The following CCDC157 variants were observed in gnomAD, a reference collection of about 807,000 sequenced individuals.
CCDC157 encodes the protein coiled-coil domain-containing protein 157.
A neutral mutation model predicts 70.9 loss-of-function variants in CCDC157; 60 were observed. The ratio of observed to expected loss-of-function variants is 0.85; its 90% CI spans 0.69 to 1.05. The LOEUF (loss-of-function observed/expected upper bound fraction) is 1.05. CCDC157 is among the 50% of genes least tolerant of loss of function. The pLI, the probability that CCDC157 is intolerant of heterozygous loss-of-function variation, is 0.00. For synonymous variants in CCDC157, 373 were observed against 422.4 expected (o/e 0.88, Z 1.43); for missense variants, 943 against 984.2 (o/e 0.96, Z 0.56).
rs1933294672 is a variant in CCDC157, at chr22:30,375,598, G to A, written c.1792G>A (p.Glu598Lys). The A allele has an allele frequency of 6.2e-7, 1 of 1,614,180 alleles. No homozygotes were observed. Among genetic ancestry groups the A allele is most frequent in the Non-Finnish European group, 8.5e-7 (1 of 1,180,034 alleles). Residue 598 changes from glutamate to lysine, a missense_variant, in exon 10 of 12, where the codon GAG (glutamate) becomes AAG (lysine). Glu to Lys is a moderately conservative substitution (Grantham distance 56, BLOSUM62 1). Coordinates refer to ENST00000338306, the MANE Select transcript of CCDC157 (RefSeq NM_001017437.5). The stretch of plus-strand genomic sequence containing the variant: ...CATCCGCATCCGGGTCCTACAGGAG[G>A]AGAACGGGCGGCTCCAATCAATGCT... ...NDIRIRVLQE[E>K]NGRLQSMLSK...
intron 10 of CCDC157, chr22:30,375,880 T>G: frequency 1.8e-6 from 1 of 567,816 alleles, no homozygotes. Flanking sequence ...CTGTCATTCC[T>G]TTAAGTGCAG....
At chr22:30,357,768 C>T (rs1932015828) in intron 1 of CCDC157, among the ~76,000 whole-genome samples, 1 of 151,746 alleles carries the variant, frequency 6.6e-6, no homozygotes, top group Admixed American at 6.6e-5. Flanking sequence ...CCGCCCGCCT[C>T]GGCTTCCCAA....
At chr22:30,371,433 G>T (rs940518972) in intron 5 of CCDC157, 1 of 581,498 alleles carries the variant, frequency 1.7e-6, no homozygotes, top group African/African-American at 1.9e-5. Flanking sequence ...CGACACCAAG[G>T]CCCAGAGAGG....
chr22:30,374,216 G>A (rs1156563752), intron 9 of CCDC157, 125 bp downstream of exon 9: 3 of 1,178,010 alleles, frequency 2.5e-6, no homozygotes, highest in Non-Finnish European at 3.6e-6. Flanking sequence ...AAGCCAGGCG[G>A]CCAGCAGCGC....
At chr22:30,358,964 T>A (rs1458397073) in intron 1 of CCDC157, among the ~76,000 whole-genome samples, 4 of 152,196 alleles carry the variant, frequency 2.6e-5, no homozygotes, top group South Asian at 2.1e-4. Flanking sequence ...CAACATAAGG[T>A]CATCTTGGAT....
intron 1 of CCDC157, among the ~76,000 whole-genome samples, chr22:30,359,572 T>C (rs1039541542): frequency 6.6e-6 from 1 of 152,180 alleles, no homozygotes; most frequent in Non-Finnish European, 1.5e-5. Flanking sequence ...CTCTGCACCG[T>C]CCAATACAGT....
At chr22:30,372,437 G>A in intron 7 of CCDC157, 151 bp downstream of exon 7, 1 of 1,129,516 alleles carries the variant, frequency 8.9e-7, no homozygotes, top group Non-Finnish European at 1.2e-6. Flanking sequence ...TTTACAGAGA[G>A]TCTACCCTGA....
chr22:30,376,238 G>GT, intron 10 of CCDC157, 21 bp from the exon 11 acceptor site: 1 of 1,313,580 alleles, frequency 7.6e-7, no homozygotes, highest in African/African-American at 1.5e-5. Flanking sequence ...TATAAGACTG[G>GT]CTTTTTTTTT....
At chr22:30,372,414 G>A (rs1933013706) in intron 7 of CCDC157, 128 bp downstream of exon 7, 2 of 1,289,628 alleles carry the variant, frequency 1.6e-6, no homozygotes, top group Non-Finnish European at 1.0e-6. Context: ...CCAGGTGTGG[G>A]GGTTGACTCA....
chr22:30,371,006 C>T, intron 5 of CCDC157, 56 bp downstream of exon 5: 5 of 1,534,802 alleles, frequency 3.3e-6, no homozygotes, highest in Non-Finnish European at 4.4e-6. Flanking sequence ...ACAGCCTTTG[C>T]ATGGATGTTT....
intron 3 of CCDC157, 91 bp downstream of exon 3, chr22:30,366,339 G>A (rs1932738137): frequency 1.3e-6 from 2 of 1,528,336 alleles, no homozygotes; most frequent in South Asian, 1.2e-5. Flanking sequence ...CAGAGGCAGG[G>A]GTGATGTTGG....
At position 30,373,766 on chromosome 22, in the gene CCDC157, T is replaced by TGA; in HGVS notation, c.1503+4_1503+5dup. 6.5e-7 allele frequency: 1 copy of TGA among 1,549,552 alleles called. No homozygotes were observed. On this transcript the variant is annotated splice_region_variant and intron_variant, in intron 8 of 11. Coordinates refer to ENST00000338306, the MANE Select transcript of CCDC157 (RefSeq NM_001017437.5). ...CAATGCCAGCTCAGGGCCCAGCAGG[T>TGA]GAGGGTGGGGGTCTTCCTTTTTGCC...
intron 2 of CCDC157, among the ~76,000 whole-genome samples, chr22:30,364,022 G>A (rs1231964368): frequency 6.6e-6 from 1 of 152,174 alleles, no homozygotes; most frequent in Non-Finnish European, 1.5e-5. Flanking sequence ...CAGGTGTGGT[G>A]GTTCTCACCT....
Position 30,364,224 on chromosome 22 carries a change from C to T in CCDC157, c.-11-1766C>T, listed in dbSNP as rs144941520. ...TAGTGGCACATGCCTGTAGTCCTAGCTACTTGGGAGGCTGAGGCAGGAGGA... is the reference window on the plus strand; with the variant it reads ...TAGTGGCACATGCCTGTAGTCCTAGTTACTTGGGAGGCTGAGGCAGGAGGA... On this transcript the variant is annotated intron_variant, in intron 2 of 11. Transcript: ENST00000338306. Among the ~76,000 whole-genome samples, 62 of 152,312 alleles carry T rather than the reference C, an allele frequency of 4.1e-4. No homozygotes were observed. The East Asian group carries it at 0.011, about 26-fold the overall frequency.
chr22:30,371,844 C>A, intron 6 of CCDC157, 117 bp downstream of exon 6: 1 of 994,938 alleles, frequency 1.0e-6, no homozygotes, highest in Non-Finnish European at 1.5e-6. Context: ...GAACCAGCCA[C>A]AGGAGGGTGG....
Position 30,375,462 on chromosome 22 carries a change from T to C in CCDC157, c.1673-17T>C. The C allele has an allele frequency of 2.5e-6, 4 of 1,613,836 alleles. No individual in the cohort carries two copies. The highest frequency in any genetic ancestry group is 3.4e-6 in the Non-Finnish European group (4 of 1,179,864). ...CTGGTGTGCCTCCCTTCTAAGGTCC[T>C]GTCCCATTGGGCACAGGAGGCAGAT... On this transcript the variant is annotated splice_polypyrimidine_tract_variant and intron_variant, in intron 9 of 11. Transcript: ENST00000338306.
chr22:30,372,118 GGCAGCGGAGAGGCAGGTGCA>G lies in CCDC157; in HGVS notation c.1173_1192del (p.Glu392GlyfsTer34), dbSNP rs778926988. 2.6e-5 allele frequency: 40 copies of G among 1,558,244 alleles called. No homozygotes were observed. In the African/African-American group the frequency reaches 4.7e-4, roughly 18 times the overall value. On this transcript the variant is annotated frameshift_variant, in exon 7 of 12. Transcript: ENST00000338306. LOFTEE classifies it high-confidence loss of function. Reference sequence around the variant, plus strand: ...TGCAGGAGGAAGGTGAGCGCAGGGCGGCAGCGGAGAGGCAGGTGCAGCAGCTGGAGGAGCAGGTGCAGCAG... The same window carrying G: ...TGCAGGAGGAAGGTGAGCGCAGGGCGGCAGCTGGAGGAGCAGGTGCAGCAG...
intron 4 of CCDC157, 160 bp from the exon 5 acceptor site, chr22:30,370,166 G>A (rs1932871338): frequency 2.4e-6 from 2 of 827,382 alleles, no homozygotes; most frequent in Non-Finnish European, 1.9e-6. Context: ...GTAACAGAGG[G>A]AGAAAGTTCT....
Position 30,378,350 on chromosome 22 carries a change from C to T in CCDC157, c.*1605C>T, listed in dbSNP as rs12171202. On this transcript the variant is annotated 3_prime_UTR_variant, in exon 12 of 12. Coordinates refer to ENST00000338306, the MANE Select transcript of CCDC157 (RefSeq NM_001017437.5). ...TGGGCATAAAATCCCTTTGAGAAGC[C>T]AGGCGCAGTGGCTCACGTCTGTAAT... 3,668 of 300,540 alleles carry T rather than the reference C, an allele frequency of 0.012. 120 individuals carry two copies. The highest frequency in any genetic ancestry group is 0.073 in the African/African-American group (3,323 of 45,816). The allele number at this position is 300,540 out of a possible 1,614,324, so 18.6% of individuals were successfully genotyped here.
Sources: allele counts gnomAD v4.1 joint callset (sites outside exome capture counted in the v4.1 genomes callset), GRCh38; gene constraint gnomAD v4.1.1; transcripts MANE v1.5; gene names NCBI Gene and HGNC (gene_info 2026-07-23, HGNC 2026-07-21).